The following CAPN7 variants were observed in gnomAD, a reference collection of about 807,000 sequenced individuals.
CAPN7 encodes the protein calpain 7, also known as calpain-7.
A neutral mutation model predicts 115.2 loss-of-function variants in CAPN7; 72 were observed. The ratio of observed to expected loss-of-function variants is 0.63; its 90% confidence interval spans 0.52 to 0.76. CAPN7 has a LOEUF of 0.76. CAPN7 is among the 30% of genes least tolerant of loss of function. CAPN7 has a pLI of 0.00. For missense variants in CAPN7, 905 were observed against 971.5 expected (o/e 0.93, Z 0.91); for synonymous variants, 344 against 322.3 (o/e 1.07, Z -0.72).
chr3:15,247,501 A>G, intron 19 of CAPN7, 44 bp downstream of exon 19: 1 of 1,521,320 alleles, frequency 6.6e-7, no homozygotes, highest in Non-Finnish European at 8.9e-7. Flanking sequence ...GTTCTATTAC[A>G]AATGAACATA....
chr3:15,247,278 G>A (rs763450090), intron 18 of CAPN7, 49 bp from the exon 19 acceptor site: 14 of 1,301,702 alleles, frequency 1.1e-5, no homozygotes, highest in Non-Finnish European at 1.1e-5. Context: ...GTCTTTAAGT[G>A]GAATTGGAAA....
Position 15,251,041 on chromosome 3 carries a change from A to G in CAPN7, c.2297+18A>G, listed in dbSNP as rs754388436. On this transcript the variant is annotated intron_variant, in intron 20 of 20. Coordinates refer to ENST00000253693, the MANE Select transcript of CAPN7 (RefSeq NM_014296.3). ...GACTATAGGTAATGTTGGCATTTTT[A>G]TTGTATCTATTTTATACTTTACTTT... 4.4e-6 allele frequency: 7 copies of G among 1,602,238 alleles called. No individual in the cohort carries two copies. Among genetic ancestry groups the G allele is most frequent in the Non-Finnish European group, 6.0e-6 (7 of 1,170,910 alleles).
At chr3:15,229,182 A>G (rs1475313199) in intron 8 of CAPN7, 123 bp downstream of exon 8, 2 of 654,696 alleles carry the variant, frequency 3.1e-6, no homozygotes, top group Non-Finnish European at 5.4e-6. Context: ...GCCCTTCTGT[A>G]GAAATTAAGC....
intron 12 of CAPN7, among the ~76,000 whole-genome samples, chr3:15,236,046 C>T (rs1385432832): frequency 1.4e-4 from 21 of 152,110 alleles, no homozygotes; most frequent in Admixed American, 1.3e-3. Flanking sequence ...TGCCATATAT[C>T]TATAATTCCA....
At chr3:15,219,777 T>C (rs1693855744) in intron 4 of CAPN7, among the ~76,000 whole-genome samples, 1 of 152,242 alleles carries the variant, frequency 6.6e-6, no homozygotes, top group Non-Finnish European at 1.5e-5. Context: ...GTTAGTTCTT[T>C]GACAGAACAA....
At chr3:15,206,653 C>A in intron 1 of CAPN7, 56 bp downstream of exon 1, 1 of 1,320,556 alleles carries the variant, frequency 7.6e-7, no homozygotes, top group Non-Finnish European at 1.0e-6. Flanking sequence ...GCGGCCCGGG[C>A]CTGCGGCCGA....
At chr3:15,245,463 A>C in intron 16 of CAPN7, 63 bp from the exon 17 acceptor site, 3 of 1,498,488 alleles carry the variant, frequency 2.0e-6, no homozygotes, top group Non-Finnish European at 2.7e-6. Flanking sequence ...TTTTTCCTAC[A>C]TCAACCATAA....
chr3:15,234,232 C>A (rs1174149501), intron 11 of CAPN7, among the ~76,000 whole-genome samples: 3 of 152,186 alleles, frequency 2.0e-5, no homozygotes, highest in African/African-American at 7.2e-5. Flanking sequence ...AGGAGAATCG[C>A]TTGAACGCAG....
chr3:15,215,766 C>G (rs2045215306), intron 2 of CAPN7, among the ~76,000 whole-genome samples: 1 of 151,468 alleles, frequency 6.6e-6, no homozygotes, highest in Non-Finnish European at 1.5e-5. Context: ...GTTGTTTACA[C>G]CTTTTGGCTG....
chr3:15,228,090 T>C (rs930113737), intron 7 of CAPN7, 125 bp downstream of exon 7: 1 of 589,516 alleles, frequency 1.7e-6, no homozygotes, highest in Non-Finnish European at 2.6e-6. Context: ...TTGGAAAAAT[T>C]GTTCATTCTA....
chr3:15,232,788 A>T (rs1032894669), intron 10 of CAPN7, 123 bp downstream of exon 10: 2 of 758,676 alleles, frequency 2.6e-6, no homozygotes, highest in Non-Finnish European at 4.1e-6. Context: ...TCAACCCCTG[A>T]AACAGGATGA....
At chr3:15,234,152 A>C (rs951071596) in intron 11 of CAPN7, among the ~76,000 whole-genome samples, 179 bp downstream of exon 11, 1 of 152,126 alleles carries the variant, frequency 6.6e-6, no homozygotes, top group African/African-American at 2.4e-5. Context: ...CCCCATCTCT[A>C]CTAAAAATAC....
At chr3:15,207,882 T>C (rs1468676334) in intron 1 of CAPN7, among the ~76,000 whole-genome samples, 1 of 152,208 alleles carries the variant, frequency 6.6e-6, no homozygotes, top group Non-Finnish European at 1.5e-5. Flanking sequence ...AGGAGTATAC[T>C]AACAGTACAT....
chr3:15,245,062 A>G (rs1695575843), intron 16 of CAPN7, among the ~76,000 whole-genome samples: 1 of 151,918 alleles, frequency 6.6e-6, no homozygotes, highest in African/African-American at 2.4e-5. Context: ...GGAATAAGAT[A>G]AGTGTAGTGG....
chr3:15,211,208 G>A (rs2044923171), intron 1 of CAPN7, among the ~76,000 whole-genome samples: 1 of 152,072 alleles, frequency 6.6e-6, no homozygotes, highest in Non-Finnish European at 1.5e-5. Context: ...GTAATCTCCT[G>A]TAATCTTTTC....
intron 2 of CAPN7, among the ~76,000 whole-genome samples, chr3:15,215,157 G>A (rs1364779673): frequency 6.6e-6 from 1 of 152,168 alleles, no homozygotes; most frequent in African/African-American, 2.4e-5. Context: ...GGGCACAGTG[G>A]TGAGTGCCTG....
chr3:15,251,106 CTAAA>C lies in CAPN7; in HGVS notation c.2298-7_2298-4del, dbSNP rs1695982618. Reference sequence around the variant, plus strand: ...TCTATAAACCTTATTCTCATTTTCTCTAAATATAGGTGTGGGTTTTGCTACCTGG... The same window carrying C: ...TCTATAAACCTTATTCTCATTTTCTCTATAGGTGTGGGTTTTGCTACCTGG... On this transcript the variant is annotated splice_polypyrimidine_tract_variant and splice_region_variant and intron_variant, in intron 20 of 20. Coordinates refer to ENST00000253693, the MANE Select transcript of CAPN7 (RefSeq NM_014296.3). 1 of 1,601,816 alleles carries C rather than the reference CTAAA, an allele frequency of 6.2e-7. No homozygotes were observed. The highest frequency in any genetic ancestry group is 1.1e-5 in the South Asian group (1 of 89,396).
chr3:15,207,641 C>CTTTTTTTTTTT, intron 1 of CAPN7, among the ~76,000 whole-genome samples: 1 of 142,500 alleles, frequency 7.0e-6, no homozygotes, highest in Non-Finnish European at 1.5e-5. Flanking sequence ...TTTTTTGTTT[C>CTTTTTTTTTTT]TTTTTTTTTT....
rs546366431 is a variant in CAPN7, at chr3:15,237,712, A to G, written c.1407+2567A>G. ...TGGCTGGGCACCGTGGGTCACCCCT[A>G]TAATCCTAGCACTTTGGGAGGCTGA... On this transcript the variant is annotated intron_variant, in intron 12 of 20. Coordinates refer to ENST00000253693, the MANE Select transcript of CAPN7 (RefSeq NM_014296.3). Among the ~76,000 whole-genome samples the G allele has an allele frequency of 9.8e-5, 15 of 152,296 alleles. No individual in the cohort carries two copies. The East Asian group carries it at 1.7e-3, about 18-fold the overall frequency.
Sources: allele counts gnomAD v4.1 joint callset (sites outside exome capture counted in the v4.1 genomes callset), GRCh38; gene constraint gnomAD v4.1.1; transcripts MANE v1.5; gene names NCBI Gene and HGNC (gene_info 2026-07-23, HGNC 2026-07-21).